The following REXO1 variants were observed in gnomAD, a reference collection of about 807,000 sequenced individuals.
REXO1 encodes RNA exonuclease 1 homolog, also known as REX1, RNA exonuclease 1 homolog.
Under a neutral mutation model 102.6 loss-of-function variants are expected in REXO1, and 42 were observed. The ratio of observed to expected loss-of-function variants is 0.41; its 90% CI spans 0.32 to 0.53. The LOEUF (loss-of-function observed/expected upper bound fraction) is 0.53. Ranked by LOEUF, REXO1 falls within the 20% of genes least tolerant of loss-of-function variation. REXO1 has a pLI of 0.27. For missense variants in REXO1, 1,819 were observed against 1,732.5 expected (o/e 1.05, Z -0.89); for synonymous variants, 908 against 779.1 (o/e 1.17, Z -2.76).
Position 1,826,927 on chromosome 19 carries a change from T to C in REXO1, c.1862A>G (p.Asn621Ser), listed in dbSNP as rs1162635098. The C allele has an allele frequency of 1.9e-6, 3 of 1,583,886 alleles. No individual in the cohort carries two copies. Among genetic ancestry groups the C allele is most frequent in the Non-Finnish European group, 2.6e-6 (3 of 1,165,922 alleles). ...CTCCGTCTTGACGCTGGTGGACTCGTTGAAGATCCGCAGGCACTCCTCCAT... is the reference window on the plus strand; with the variant it reads ...CTCCGTCTTGACGCTGGTGGACTCGCTGAAGATCCGCAGGCACTCCTCCAT... ...DPMEECLRIF[N>S]ESTSVKTEDR... Residue 621 changes from asparagine to serine, a missense_variant, in exon 2 of 16, where the codon AAC (asparagine) becomes AGC (serine). Physicochemically the swap from Asn to Ser is conservative, Grantham distance 46. Coordinates refer to ENST00000170168, the MANE Select transcript of REXO1 (RefSeq NM_020695.4). The surrounding 1 kb of genome is among the most constrained non-coding windows in gnomAD (Gnocchi z 4.3).
rs778620813 is a variant in REXO1, at chr19:1,825,887, G to A, written c.1968C>T (p.Phe656=). ...GGGAGATCCTCCTCTTCTGCCCGGG[G>A]AACAGAGTGGTCAGACCCGAAAGCC... ...EKGLSGLTTL[F]PGQKRRISHL... The change falls in exon 3 of 16, where the codon TTC becomes TTT. Residue 656 remains phenylalanine (F), a synonymous_variant. Coordinates refer to ENST00000170168, the MANE Select transcript of REXO1 (RefSeq NM_020695.4). 6 of 1,613,568 alleles carry A rather than the reference G, an allele frequency of 3.7e-6. No homozygotes were observed. In the Admixed American group the frequency reaches 5.0e-5, roughly 13 times the overall value.
chr19:1,838,373 C>A (rs911588182), intron 1 of REXO1, among the ~76,000 whole-genome samples: 1 of 150,138 alleles, frequency 6.7e-6, no homozygotes, highest in Non-Finnish European at 1.5e-5. Context: ...AATCCCAGCA[C>A]TTTGGAAAGT....
intron 1 of REXO1, among the ~76,000 whole-genome samples, chr19:1,833,100 C>T (rs1360803816): frequency 6.6e-6 from 1 of 152,032 alleles, no homozygotes; most frequent in Non-Finnish European, 1.5e-5. Context: ...GGTTGCATGC[C>T]TGTGGTCCCA....
intron 11 of REXO1, 95 bp from the exon 12 acceptor site, chr19:1,817,424 TATCC>T: frequency 6.5e-7 from 1 of 1,546,228 alleles, no homozygotes; most frequent in Non-Finnish European, 8.7e-7. Flanking sequence ...GGGACCATCC[TATCC>T]ATCCATCACG....
At chr19:1,824,542 A>G (rs1407382608) in intron 3 of REXO1, 1 of 152,270 alleles carries the variant, frequency 6.6e-6, no homozygotes, top group Non-Finnish European at 1.5e-5. Flanking sequence ...CTAACTTGTC[A>G]TAACATGTCT....
At chr19:1,844,031 G>T (rs1045244713) in intron 1 of REXO1, among the ~76,000 whole-genome samples, 1 of 152,240 alleles carries the variant, frequency 6.6e-6, no homozygotes, top group East Asian at 1.9e-4. Context: ...TAGGATCCCA[G>T]GGCTCACCTG....
In REXO1 at chr19:1,827,642, C is replaced by A. The variant is rs901467416; in HGVS notation, c.1147G>T (p.Ala383Ser). 3.2e-6 allele frequency: 5 copies of A among 1,570,884 alleles called. No homozygotes were observed. The highest frequency in any genetic ancestry group is 1.2e-5 in the South Asian group (1 of 85,484). The stretch of plus-strand genomic sequence containing the variant: ...TCTTTGCAGCTGGGGGCAGGTGGGG[C>A]CCCGGTTTTTTTCTTCTTGGGTTTT... ...EGKPKKKKTG[A>S]PPAPSCKDGA... Residue 383 changes from alanine to serine, a missense_variant, in exon 2 of 16, where the codon GCC (alanine) becomes TCC (serine). By Grantham distance (99) the Ala-to-Ser change is moderately conservative (BLOSUM62 1). Transcript: ENST00000170168.
chr19:1,833,131 G>A (rs2069950257), intron 1 of REXO1, among the ~76,000 whole-genome samples: 1 of 152,070 alleles, frequency 6.6e-6, no homozygotes, highest in African/African-American at 2.4e-5. Context: ...AGGCTGAGGT[G>A]GGAGGATCTC....
intron 12 of REXO1, 53 bp from the exon 13 acceptor site, chr19:1,816,866 T>C: frequency 7.6e-7 from 1 of 1,319,838 alleles, no homozygotes. Context: ...CCTCCCTCCC[T>C]CCCCTTCCCT....
intron 1 of REXO1, among the ~76,000 whole-genome samples, chr19:1,833,686 G>A (rs1024107201): frequency 7.2e-5 from 11 of 152,270 alleles, no homozygotes; most frequent in Admixed American, 6.5e-4. Flanking sequence ...GGGAGGCTCC[G>A]GCTCCTCCCT....
intron 5 of REXO1, among the ~76,000 whole-genome samples, 171 bp from the exon 6 acceptor site, chr19:1,820,566 G>C (rs1225142142): frequency 6.6e-6 from 1 of 152,222 alleles, no homozygotes; most frequent in Non-Finnish European, 1.5e-5. Flanking sequence ...AGGAGCAGCA[G>C]GGGAAACTGA....
Position 1,815,573 on chromosome 19 carries a change from A to G in REXO1, c.*493T>C. The stretch of plus-strand genomic sequence containing the variant: ...GTCTGTCCCACCCCCACCCCGCAGG[A>G]GGGAAGGCAGCAGGCCCGCTCTTCC... On this transcript the variant is annotated 3_prime_UTR_variant, in exon 16 of 16. Coordinates refer to ENST00000170168, the MANE Select transcript of REXO1 (RefSeq NM_020695.4). This position sits in a 1 kb window ranked among gnomAD's most constrained non-coding sequence, Gnocchi z 4.0. 2 of 628,136 alleles carry G rather than the reference A, an allele frequency of 3.2e-6. No homozygotes were observed. Among genetic ancestry groups the G allele is most frequent in the Non-Finnish European group, 4.5e-6 (2 of 449,164 alleles). 38.9% of individuals were successfully genotyped at this position (628,136 alleles called of 1,614,324 possible). A position where few individuals can be genotyped will look rare whatever the true frequency, so the allele number is the denominator to read the frequency against.
intron 1 of REXO1, among the ~76,000 whole-genome samples, chr19:1,843,360 C>G (rs1198327027): frequency 6.6e-6 from 1 of 152,206 alleles, no homozygotes; most frequent in East Asian, 1.9e-4. Flanking sequence ...AGAGCCGCAG[C>G]TGGACTCGCA....
intron 1 of REXO1, among the ~76,000 whole-genome samples, chr19:1,829,783 G>A (rs2069853964): frequency 6.6e-6 from 1 of 152,156 alleles, no homozygotes; most frequent in Non-Finnish European, 1.5e-5. Context: ...ACTCCAGCCT[G>A]CGCGACAAGA....
chr19:1,816,529 C>T lies in REXO1; in HGVS notation c.3358G>A (p.Val1120Ile), dbSNP rs377732976. ...ACGGCCTGGACGTCACGCAGCGTGACACTTGTGTCGGCAAGGTCAGCCTCC... is the reference window on the plus strand; with the variant it reads ...ACGGCCTGGACGTCACGCAGCGTGATACTTGTGTCGGCAAGGTCAGCCTCC... ...VTEADLADTSVTLRDVQAVLL... is the reference protein window; with the variant it reads ...VTEADLADTSITLRDVQAVLL... The change falls in exon 14 of 16, where the codon GTC becomes ATC. Residue 1120 changes from valine (V) to isoleucine (I), a missense_variant. Physicochemically the swap from Val to Ile is conservative, Grantham distance 29 (BLOSUM62 3). Transcript: ENST00000170168. 1.2e-6 allele frequency: 2 copies of T among 1,611,390 alleles called. No individual in the cohort carries two copies. Among genetic ancestry groups the T allele is most frequent in the African/African-American group, 2.7e-5 (2 of 74,686 alleles).
chr19:1,837,806 C>T (rs1037383420), intron 1 of REXO1, among the ~76,000 whole-genome samples: 9 of 152,336 alleles, frequency 5.9e-5, no homozygotes, highest in Admixed American at 1.3e-4. Context: ...TGGAGCCACA[C>T]GGCAGGGTCC....
chr19:1,820,538 G>T, intron 5 of REXO1, 143 bp from the exon 6 acceptor site: 1 of 923,150 alleles, frequency 1.1e-6, no homozygotes, highest in Non-Finnish European at 1.6e-6. Context: ...AGTAGGGACA[G>T]ACACGCCAAG....
intron 12 of REXO1, 75 bp downstream of exon 12, chr19:1,817,144 G>GGCCAGATGGA (rs2069391370): frequency 3.8e-6 from 6 of 1,574,766 alleles, no homozygotes; most frequent in Non-Finnish European, 5.2e-6. Flanking sequence ...GCCCAGATGG[G>GGCCAGATGGA]GCCAGATGGG....
chr19:1,815,545 G>A lies in REXO1; in HGVS notation c.*521C>T, dbSNP rs943413882. On this transcript the variant is annotated 3_prime_UTR_variant, in exon 16 of 16. Transcript: ENST00000170168. The surrounding 1 kb of genome is among the most constrained non-coding windows in gnomAD (Gnocchi z 4.0). ...GCTGAGTGTGGCCCTGGCCCCCACTGGGGTCTGTCCCACCCCCACCCCGCA... is the reference window on the plus strand; with the variant it reads ...GCTGAGTGTGGCCCTGGCCCCCACTAGGGTCTGTCCCACCCCCACCCCGCA... 13 of 474,548 alleles carry A rather than the reference G, an allele frequency of 2.7e-5. No individual in the cohort carries two copies. The highest frequency in any genetic ancestry group is 6.2e-6 in the Non-Finnish European group (2 of 320,712). 29.4% of individuals were successfully genotyped at this position (474,548 alleles called of 1,614,324 possible). A position where few individuals can be genotyped will look rare whatever the true frequency, so the allele number is the denominator to read the frequency against.
Sources: gnomAD v4.1 joint callset for allele counts (sites outside exome capture counted in the v4.1 genomes callset) on GRCh38, gnomAD v4.1.1 for gene constraint, Gnocchi (gnomAD v3.1) non-coding constraint, MANE v1.5 for transcripts, NCBI Gene and HGNC (gene_info 2026-07-23, HGNC 2026-07-21) for gene names.